The following HK3 variants were observed in gnomAD, a reference collection of about 807,000 sequenced individuals.
The protein encoded by HK3 is hexokinase-3.
A neutral mutation model predicts 91.0 loss-of-function variants in HK3; 93 were observed. That is an observed-to-expected ratio of 1.02 (90% CI 0.86 to 1.21). The LOEUF (loss-of-function observed/expected upper bound fraction) is 1.21, where lower values mean the gene tolerates loss of function less well. HK3 is among the 50% of genes most tolerant of loss of function. The probability of loss-of-function intolerance (pLI) is 0.00; values close to 1 mark genes in which losing one functional copy is unlikely to be tolerated. For synonymous variants in HK3, 519 were observed against 516.9 expected (o/e 1.00, Z -0.06); for missense variants, 1,235 against 1,247.4 (o/e 0.99, Z 0.15).
At chr5:176,895,973 G>T (rs188422724) in intron 2 of HK3, 91 bp downstream of exon 2, 2 of 1,010,628 alleles carry the variant, frequency 2.0e-6, no homozygotes, top group African/African-American at 3.2e-5. Context: ...GGGCTGCATG[G>T]GTGAGAGCCC....
intron 2 of HK3, 33 bp downstream of exon 2, chr5:176,896,031 A>T: frequency 6.3e-7 from 1 of 1,577,710 alleles, no homozygotes; most frequent in Non-Finnish European, 8.7e-7. Context: ...GGCCTTAGAC[A>T]AGCATGAAAC....
rs200701609 is a variant in HK3 at position 176,887,649 on chromosome 5, T to C, written c.1402A>G (p.Met468Val). 359 of 1,613,596 alleles carry C rather than the reference T, an allele frequency of 2.2e-4. 5 individuals carry two copies. In the South Asian group the frequency reaches 3.8e-3, roughly 17 times the overall value. The part of the protein sequence containing the change: ...SVDGGGRGVA[M>V]VTAVAARLAA... ...AGACGGGCAGCCACGGCAGTCACCA[T>C]CGCCACTCCCCGGCCACCACCATCC... The change falls in exon 11 of 19, where the codon ATG becomes GTG. Residue 468 changes from methionine (M) to valine (V), a missense_variant. Physicochemically the swap from Met to Val is conservative, Grantham distance 21 (BLOSUM62 1). Transcript: ENST00000292432. This position sits in a 1 kb window ranked among gnomAD's most constrained non-coding sequence, Gnocchi z 4.9.
At chr5:176,897,603 C>A (rs2149379304) in intron 1 of HK3, among the ~76,000 whole-genome samples, 1 of 152,332 alleles carries the variant, frequency 6.6e-6, no homozygotes, top group Admixed American at 6.5e-5. Context: ...CTGCTGCCCT[C>A]TCTCAGGCAT....
chr5:176,896,335 C>T, intron 1 of HK3, 150 bp from the exon 2 acceptor site: 1 of 485,358 alleles, frequency 2.1e-6, no homozygotes. Context: ...GATCCTGTAG[C>T]AGTCAACCAG....
intron 10 of HK3, among the ~76,000 whole-genome samples, chr5:176,888,120 C>T (rs1373151101): frequency 2.0e-5 from 3 of 152,138 alleles, no homozygotes; most frequent in East Asian, 1.9e-4. Flanking sequence ...GCCCCCGTGT[C>T]GCCATGGCCT....
chr5:176,881,869 C>CAG (rs61042413), intron 16 of HK3, 22 bp from the exon 17 acceptor site: 311,331 of 1,612,656 alleles, frequency 0.19, 31,768 homozygotes, highest in East Asian at 0.32. Flanking sequence ...TGTGTGCACT[C>CAG]GGCAGAAGGC....
chr5:176,891,658 T>C, intron 2 of HK3, 108 bp from the exon 3 acceptor site: 1 of 1,095,822 alleles, frequency 9.1e-7, no homozygotes, highest in Non-Finnish European at 1.3e-6. Context: ...TCCTCGGCTC[T>C]TCATACACCC....
intron 2 of HK3, among the ~76,000 whole-genome samples, chr5:176,894,922 G>A (rs546197518): frequency 2.1e-5 from 3 of 144,186 alleles, no homozygotes; most frequent in Admixed American, 7.0e-5. Context: ...GACTACAGGC[G>A]CCTGCCACCA....
intron 2 of HK3, among the ~76,000 whole-genome samples, chr5:176,894,388 G>A (rs1561686409): frequency 6.6e-6 from 1 of 152,350 alleles, no homozygotes; most frequent in East Asian, 1.9e-4. Flanking sequence ...AAAGCCGAAA[G>A]GGATTCTTTC....
At position 176,889,320 on chromosome 5, in the gene HK3, G is replaced by A; in HGVS notation, c.914+61C>T. 21 of 1,538,200 alleles carry A rather than the reference G, an allele frequency of 1.4e-5. No homozygotes were observed. In the South Asian group the frequency reaches 2.3e-4, roughly 17 times the overall value. Reference sequence around the variant, plus strand: ...CCTGAGAACAGGGACAGAAGGGGTTGGGAGCAGAGCAGTCATAGACAGGGC... The same window carrying A: ...CCTGAGAACAGGGACAGAAGGGGTTAGGAGCAGAGCAGTCATAGACAGGGC... On this transcript the variant is annotated intron_variant, in intron 8 of 18. Coordinates refer to ENST00000292432, the MANE Select transcript of HK3 (RefSeq NM_002115.3).
At position 176,889,680 on chromosome 5, in the gene HK3, G is replaced by A. The variant is rs200190227; in HGVS notation, c.695C>T (p.Pro232Leu). 120 of 1,614,136 alleles carry A rather than the reference G, an allele frequency of 7.4e-5. No individual in the cohort carries two copies. Among genetic ancestry groups the A allele is most frequent in the Admixed American group, 5.2e-4 (31 of 60,026 alleles). ...CCCAACCTCACACGGCCTGACCCCC[G>A]GCTCACAGCCCATCATGGTGCCCAC... ...DTVGTMMGCE[P>L]GVRPCEVGLV... Residue 232 changes from proline (P) to leucine (L), a missense_variant, in exon 7 of 19, where the codon CCG (proline) becomes CTG (leucine). This residue lies in a region of HK3 where 717 missense variants were observed against 751.6 expected (regional missense o/e 0.95). Coordinates refer to ENST00000292432, the MANE Select transcript of HK3 (RefSeq NM_002115.3).
chr5:176,888,279 TCA>T, intron 10 of HK3, 51 bp downstream of exon 10: 3 of 1,447,130 alleles, frequency 2.1e-6, no homozygotes, highest in Non-Finnish European at 2.8e-6. Context: ...TGGGTGTGTA[TCA>T]CACACACGTG....
intron 13 of HK3, among the ~76,000 whole-genome samples, chr5:176,886,215 AGAGT>A (rs1312905966): frequency 6.6e-6 from 1 of 151,988 alleles, no homozygotes; most frequent in Admixed American, 6.6e-5. Context: ...CCTGGGCGAC[AGAGT>A]GAGACTTCAT....
At chr5:176,894,885 TC>T (rs1758868784) in intron 2 of HK3, among the ~76,000 whole-genome samples, 2 of 149,640 alleles carry the variant, frequency 1.3e-5, no homozygotes, top group South Asian at 4.4e-4. Flanking sequence ...CACACCATTC[TC>T]CTGCCTCGGC....
chr5:176,894,403 G>A (rs1229610133), intron 2 of HK3, among the ~76,000 whole-genome samples: 3 of 152,222 alleles, frequency 2.0e-5, no homozygotes, highest in Admixed American at 1.3e-4. Flanking sequence ...TCTTTCAACC[G>A]CAGGTGTATG....
At chr5:176,894,879 C>T (rs1418838271) in intron 2 of HK3, among the ~76,000 whole-genome samples, 1 of 150,800 alleles carries the variant, frequency 6.6e-6, no homozygotes, top group African/African-American at 2.4e-5. Context: ...CGGGTTCACA[C>T]CATTCTCCTG....
intron 15 of HK3, among the ~76,000 whole-genome samples, chr5:176,882,980 C>T (rs1377343935): frequency 6.6e-6 from 1 of 152,204 alleles, no homozygotes; most frequent in Non-Finnish European, 1.5e-5. Context: ...GAGACCAATG[C>T]CCCAGGAGCT....
chr5:176,881,286 G>C lies in HK3; in HGVS notation c.2627+16C>G. The C allele has an allele frequency of 1.2e-6, 2 of 1,613,290 alleles. No individual in the cohort carries two copies. Among genetic ancestry groups the C allele is most frequent in the Non-Finnish European group, 1.7e-6 (2 of 1,179,734 alleles). The stretch of plus-strand genomic sequence containing the variant: ...CTGGCCACACCTCCCTCCCCAGCCC[G>C]CACACCCAGACTCACCGCGGGTGCA... On this transcript the variant is annotated intron_variant, in intron 18 of 18. Coordinates refer to ENST00000292432, the MANE Select transcript of HK3 (RefSeq NM_002115.3).
At position 176,890,960 on chromosome 5, in the gene HK3, G is replaced by A. The variant is rs374983780; in HGVS notation, c.415-19C>T. On this transcript the variant is annotated intron_variant, in intron 4 of 18. Transcript: ENST00000292432. ...CAAAGAGCTGCAGGAGAAGTGGGGG[G>A]GCTCAGCCTTGCCCATCTGAGCCCT... 25 of 1,613,980 alleles carry A rather than the reference G, an allele frequency of 1.5e-5. No individual in the cohort carries two copies. The highest frequency in any genetic ancestry group is 4.5e-5 in the East Asian group (2 of 44,878).
Sources: allele counts gnomAD v4.1 joint callset (sites outside exome capture counted in the v4.1 genomes callset), GRCh38; gene constraint gnomAD v4.1.1; regional missense constraint gnomAD v4.1.1; non-coding constraint Gnocchi (gnomAD v3.1); transcripts MANE v1.5; gene names NCBI Gene and HGNC (gene_info 2026-07-23, HGNC 2026-07-21).